The following MEIS2 variants were observed in gnomAD, a reference collection of about 807,000 sequenced individuals.
The protein encoded by MEIS2 is Meis homeobox 2.
MEIS2 carries 9 observed loss-of-function variants against 58.6 expected under a neutral mutation model. The observed-to-expected ratio is 0.15, with a 90% confidence interval of 0.09 to 0.27. The LOEUF is 0.27. Among genes scored for constraint, MEIS2 ranks in the 10% least tolerant of loss-of-function variants. The probability of loss-of-function intolerance (pLI) is 1.00; values close to 1 mark genes in which losing one functional copy is unlikely to be tolerated. For missense variants in MEIS2, 427 were observed against 635.0 expected (o/e 0.67, Z 3.52); for synonymous variants, 221 against 228.4 (o/e 0.97, Z 0.29).
intron 7 of MEIS2, among the ~76,000 whole-genome samples, chr15:37,054,883 C>G (rs985708022): frequency 6.6e-6 from 1 of 152,208 alleles, no homozygotes; most frequent in Non-Finnish European, 1.5e-5. Context: ...AATTTTCACT[C>G]TAAGTGTTTT....
At chr15:36,987,134 G>A (rs2060118681) in intron 8 of MEIS2, among the ~76,000 whole-genome samples, 1 of 152,104 alleles carries the variant, frequency 6.6e-6, no homozygotes, top group South Asian at 2.1e-4. Context: ...ATGGTCAGGT[G>A]CCACGGCTCA....
intron 9 of MEIS2, among the ~76,000 whole-genome samples, chr15:36,922,615 CTTTCTT>C (rs1407438796): frequency 1.4e-4 from 16 of 118,396 alleles, no homozygotes; most frequent in African/African-American, 5.0e-4. Context: ...AACTTTCTTT[CTTTCTT>C]TTTTTTTTTT....
chr15:36,975,616 G>A (rs2059719476), intron 8 of MEIS2, among the ~76,000 whole-genome samples: 3 of 152,074 alleles, frequency 2.0e-5, no homozygotes, highest in South Asian at 2.1e-4. Context: ...GCTAGTGAGT[G>A]GTGGAGCTGG....
chr15:37,046,037 G>C (rs886293371), intron 7 of MEIS2, among the ~76,000 whole-genome samples: 2 of 152,208 alleles, frequency 1.3e-5, no homozygotes, highest in African/African-American at 2.4e-5. Context: ...CTTTTCAGGC[G>C]GTATAAGCAG....
intron 8 of MEIS2, among the ~76,000 whole-genome samples, chr15:36,977,928 T>C (rs1212084725): frequency 1.3e-5 from 2 of 152,186 alleles, no homozygotes; most frequent in Non-Finnish European, 2.9e-5. Context: ...GAGCAACTAC[T>C]ATACACAAAA....
At chr15:36,950,054 G>C (rs1036848020) in intron 9 of MEIS2, among the ~76,000 whole-genome samples, 1 of 151,690 alleles carries the variant, frequency 6.6e-6, no homozygotes. Flanking sequence ...ATCAGAGATG[G>C]GAAAAGTGAG....
intron 8 of MEIS2, among the ~76,000 whole-genome samples, chr15:36,974,186 G>A (rs2059663688): frequency 6.6e-6 from 1 of 152,088 alleles, no homozygotes; most frequent in Non-Finnish European, 1.5e-5. Flanking sequence ...CTATATCAGG[G>A]CTGATATTGA....
At chr15:36,976,689 C>A (rs1355342940) in intron 8 of MEIS2, among the ~76,000 whole-genome samples, 1 of 151,824 alleles carries the variant, frequency 6.6e-6, no homozygotes, top group Non-Finnish European at 1.5e-5. Context: ...AAAAAATTAA[C>A]AGATTAATAG....
intron 9 of MEIS2, among the ~76,000 whole-genome samples, chr15:36,942,482 T>C (rs1003914244): frequency 2.6e-5 from 4 of 152,236 alleles, no homozygotes; most frequent in Non-Finnish European, 4.4e-5. Flanking sequence ...CACTCTCTTA[T>C]ACTTGAAAAA....
intron 6 of MEIS2, among the ~76,000 whole-genome samples, chr15:37,084,905 C>CTTTAAGG (rs2141922272): frequency 6.6e-6 from 1 of 152,262 alleles, no homozygotes; most frequent in African/African-American, 2.4e-5. Context: ...AAAGCCAGAG[C>CTTTAAGG]TGTACACTTG....
At chr15:36,995,000 T>C (rs2060424642) in intron 8 of MEIS2, among the ~76,000 whole-genome samples, 1 of 152,168 alleles carries the variant, frequency 6.6e-6, no homozygotes, top group Non-Finnish European at 1.5e-5. Flanking sequence ...TCTGAACAAT[T>C]TCAATGCATT....
intron 8 of MEIS2, among the ~76,000 whole-genome samples, chr15:36,987,551 C>T (rs1460673036): frequency 1.3e-5 from 2 of 151,960 alleles, no homozygotes; most frequent in African/African-American, 4.8e-5. Flanking sequence ...GGTTGGAGTT[C>T]TTAAGAAGAG....
chr15:36,955,818 A>G (rs1368128464), intron 8 of MEIS2, among the ~76,000 whole-genome samples: 3 of 151,926 alleles, frequency 2.0e-5, no homozygotes, highest in East Asian at 3.9e-4. Flanking sequence ...TCAAATTTCT[A>G]TATTTTCTGG....
intron 9 of MEIS2, among the ~76,000 whole-genome samples, chr15:36,934,204 T>A (rs964192471): frequency 2.0e-5 from 3 of 152,086 alleles, no homozygotes; most frequent in Admixed American, 6.5e-5. Context: ...CCAGCATAAT[T>A]ATATGAACAG....
At chr15:37,100,847 GGTA>G (rs1895037593), upstream of MEIS2, 1 of 150,870 alleles carries the variant, frequency 6.6e-6, no homozygotes, top group Non-Finnish European at 1.5e-5. Flanking sequence ...GGGAAAGTAC[GGTA>G]CCGCCTCAGA....
chr15:36,991,771 CTTTTTTTTTTTCTTTTT>C (rs1399445584), intron 8 of MEIS2, among the ~76,000 whole-genome samples: 3 of 108,628 alleles, frequency 2.8e-5, no homozygotes, highest in Non-Finnish European at 3.6e-5. Context: ...TGTTAATTTT[CTTTTTTTTTTTCTTTTT>C]TTTTTTTTTT....
chr15:36,897,896 AGT>A (rs2056264509), intron 9 of MEIS2: 1 of 152,242 alleles, frequency 6.6e-6, no homozygotes, highest in Non-Finnish European at 1.5e-5. Flanking sequence ...AGAAAAATTC[AGT>A]GTGTGCTGGC....
intron 7 of MEIS2, among the ~76,000 whole-genome samples, chr15:37,074,903 A>C (rs1305109607): frequency 6.6e-6 from 1 of 152,048 alleles, no homozygotes; most frequent in Non-Finnish European, 1.5e-5. Flanking sequence ...ATGAAAAAGA[A>C]CTCACTACAA....
At chr15:36,903,119 C>G (rs969693860) in intron 9 of MEIS2, among the ~76,000 whole-genome samples, 3 of 152,114 alleles carry the variant, frequency 2.0e-5, no homozygotes, top group Admixed American at 2.0e-4. Context: ...AGGGAATTAT[C>G]TTTTATTTCC....
Sources: allele counts gnomAD v4.1 joint callset (sites outside exome capture counted in the v4.1 genomes callset), GRCh38; gene constraint gnomAD v4.1.1; transcripts MANE v1.5; gene names NCBI Gene and HGNC (gene_info 2026-07-23, HGNC 2026-07-21).